PDK2: variants seen among roughly 807,000 people sequenced by gnomAD.
PDK2 encodes the protein pyruvate dehydrogenase kinase 2.
A neutral mutation model predicts 50.4 loss-of-function variants in PDK2; 34 were observed. That is an observed-to-expected ratio of 0.68 (90% CI 0.51 to 0.90). PDK2 has a LOEUF of 0.90. PDK2 is among the 40% of genes least tolerant of loss of function. The pLI is 0.00. For missense variants in PDK2, 377 were observed against 544.5 expected, an observed-to-expected ratio of 0.69 and a Z score of 3.06; for synonymous variants, 232 against 216.0, an observed-to-expected ratio of 1.07 and a Z score of -0.65.
intron 2 of PDK2, among the ~76,000 whole-genome samples, chr17:50,102,751 G>A (rs1910302431): frequency 6.6e-6 from 1 of 152,242 alleles, no homozygotes; most frequent in Admixed American, 6.5e-5. Flanking sequence ...GGGTCCAGCA[G>A]TAGCGCCCAC....
At chr17:50,099,639 A>G (rs1033875064) in intron 2 of PDK2, among the ~76,000 whole-genome samples, 3 of 152,082 alleles carry the variant, frequency 2.0e-5, no homozygotes, top group African/African-American at 7.2e-5. Flanking sequence ...TAAAAATATA[A>G]AAAATTAGCC....
intron 1 of PDK2, chr17:50,095,788 G>T (rs553659434): frequency 5.9e-5 from 81 of 1,367,442 alleles, no homozygotes; most frequent in Non-Finnish European, 7.2e-5. Context: ...TTTCTTCGTG[G>T]GCCTCATGAA....
intron 2 of PDK2, among the ~76,000 whole-genome samples, chr17:50,103,438 C>T (rs1598211246): frequency 1.3e-5 from 2 of 152,168 alleles, no homozygotes; most frequent in African/African-American, 4.8e-5. Flanking sequence ...CAGCTGTTGA[C>T]AGTGTTTGAG....
upstream of PDK2, among the ~76,000 whole-genome samples, chr17:50,095,083 G>A (rs1909857287): frequency 6.6e-6 from 1 of 152,254 alleles, no homozygotes; most frequent in Admixed American, 6.5e-5. Flanking sequence ...GCTCTGGGAA[G>A]GAAGGGGTTA....
intron 3 of PDK2, 133 bp from the exon 4 acceptor site, chr17:50,105,739 AGAGTGGGCTTTGG>A: frequency 1.7e-6 from 2 of 1,145,148 alleles, no homozygotes; most frequent in Non-Finnish European, 2.4e-6. Context: ...CTAAAAGATC[AGAGTGGGCTTTGG>A]GAGGAGCAGG....
At chr17:50,106,373 T>A in intron 4 of PDK2, 1 of 552,692 alleles carries the variant, frequency 1.8e-6, no homozygotes, top group Non-Finnish European at 2.9e-6. Flanking sequence ...CAAAAACAAT[T>A]TGTTGTTTAG....
At chr17:50,106,718 AG>A (rs1287407464) in intron 4 of PDK2, 75 bp from the exon 5 acceptor site, 2 of 1,227,834 alleles carry the variant, frequency 1.6e-6, no homozygotes, top group Admixed American at 3.4e-5. Context: ...TAGAAAGAGG[AG>A]GAAAGCCCGG....
Position 50,095,439 on chromosome 17 carries a change from C to T in PDK2, c.4C>T (p.Arg2Cys). The change falls in exon 1 of 11, where the codon CGC (arginine) becomes TGC (cysteine). Residue 2 changes from arginine to cysteine, a missense_variant. Physicochemically the swap from Arg to Cys is radical, Grantham distance 180. Transcript: ENST00000503176. The stretch of plus-strand genomic sequence containing the variant: ...CAAAGTCGCGGCCGCCGCAGCCATG[C>T]GCTGGGTGTGGGCGCTGCTGAAGAA... M[R>C]WVWALLKNAS... The T allele has an allele frequency of 3.1e-6, 5 of 1,599,626 alleles. No individual in the cohort carries two copies. The highest frequency in any genetic ancestry group is 3.4e-6 in the Non-Finnish European group (4 of 1,173,196).
chr17:50,106,395 C>T, intron 4 of PDK2: 1 of 465,524 alleles, frequency 2.1e-6, no homozygotes, highest in Non-Finnish European at 3.5e-6. Flanking sequence ...GTTTCTTATT[C>T]CAGGAGGATT....
rs1210065755 is a variant in PDK2, at chr17:50,106,850, G to A, written c.574G>A (p.Asp192Asn). ...PAHPKHIGSI[D>N]PNCNVSEVVK... ...CCATCCCAAACACATCGGCAGCATC[G>A]ACCCCAACTGCAACGTCTCTGAGGT... The change falls in exon 5 of 11, where the codon GAC (aspartate) becomes AAC (asparagine). Residue 192 changes from aspartate to asparagine, a missense_variant. Around this residue, in one of 3 missense-constraint regions of PDK2, gnomAD observed 214 missense variants for 294.0 expected, o/e 0.73. Coordinates refer to ENST00000503176, the MANE Select transcript of PDK2 (RefSeq NM_002611.5). 10 of 1,613,908 alleles carry A rather than the reference G, an allele frequency of 6.2e-6. No homozygotes were observed. Among genetic ancestry groups the A allele is most frequent in the East Asian group, 2.2e-5 (1 of 44,894 alleles).
In PDK2 at chr17:50,097,675, C is replaced by T. The variant is rs1037142126; in HGVS notation, c.260+111C>T. 2.6e-5 allele frequency: 34 copies of T among 1,302,064 alleles called. 1 individual carries two copies. In the Admixed American group the frequency reaches 5.9e-4, roughly 23 times the overall value. 80.7% of individuals were successfully genotyped at this position (1,302,064 alleles called of 1,614,324 possible). ...GCTTTGAGGGTGGGGTGGGGACAGA[C>T]AGGAGACACCAAAGCCCCAAGCGCT... On this transcript the variant is annotated intron_variant, in intron 2 of 10. Coordinates refer to ENST00000503176, the MANE Select transcript of PDK2 (RefSeq NM_002611.5).
chr17:50,099,922 G>C (rs1910136986), intron 2 of PDK2, among the ~76,000 whole-genome samples: 1 of 152,250 alleles, frequency 6.6e-6, no homozygotes, highest in African/African-American at 2.4e-5. Flanking sequence ...TACAGCAAGA[G>C]AGACTGAGGT....
At chr17:50,095,336 C>A, upstream of PDK2, 1 of 784,768 alleles carries the variant, frequency 1.3e-6, no homozygotes, top group Non-Finnish European at 2.0e-6. Flanking sequence ...CCCGCCAGGG[C>A]AAGGGTAGGG....
At chr17:50,108,518 T>C in intron 8 of PDK2, 94 bp from the exon 9 acceptor site, 2 of 1,273,982 alleles carry the variant, frequency 1.6e-6, no homozygotes, top group African/African-American at 3.3e-5. Context: ...GGGCAGATCC[T>C]GGGGGTGGGG....
rs553113769 is a variant in PDK2 at position 50,101,268 on chromosome 17, C to T, written c.260+3704C>T. Among the ~76,000 whole-genome samples the T allele has an allele frequency of 7.2e-5, 11 of 152,270 alleles. No individual in the cohort carries two copies. The South Asian group carries it at 1.9e-3, about 26-fold the overall frequency. On this transcript the variant is annotated intron_variant, in intron 2 of 10. Transcript: ENST00000503176. This position sits in a 1 kb window ranked among gnomAD's most constrained non-coding sequence, Gnocchi z 4.2. ...ACACGAGCTCTCCAAACCCGTCAGC[C>T]GCTCCTTGCATGACCGAGCAGGACC...
Position 50,108,615 on chromosome 17 carries a change from A to T in PDK2, c.865A>T (p.Ser289Cys). The change falls in exon 9 of 11, where the codon AGT becomes TGT. Residue 289 changes from serine (S) to cysteine (C), a missense_variant. Ser to Cys is a moderately radical substitution (Grantham distance 112). Coordinates refer to ENST00000503176, the MANE Select transcript of PDK2 (RefSeq NM_002611.5). ...TGACACATCCCATCTCTCCCAGATG[A>T]GTGACCGAGGTGGGGGTGTTCCCTT... The part of the protein sequence containing the change: ...LGEEDLSIKM[S>C]DRGGGVPLRK... 1 of 1,609,320 alleles carries T rather than the reference A, an allele frequency of 6.2e-7. No individual in the cohort carries two copies. The highest frequency in any genetic ancestry group is 1.3e-5 in the African/African-American group (1 of 74,918).
chr17:50,110,179 G>A lies in PDK2; in HGVS notation c.*82G>A. 1 of 1,421,690 alleles carries A rather than the reference G, an allele frequency of 7.0e-7. No individual in the cohort carries two copies. The highest frequency in any genetic ancestry group is 1.4e-5 in the South Asian group (1 of 70,692). The allele number at this position is 1,421,690 out of a possible 1,614,324, so 88.1% of individuals were successfully genotyped here. A position where few individuals can be genotyped will look rare whatever the true frequency, so the allele number is the denominator to read the frequency against. On this transcript the variant is annotated 3_prime_UTR_variant, in exon 11 of 11. Coordinates refer to ENST00000503176, the MANE Select transcript of PDK2 (RefSeq NM_002611.5). Reference sequence around the variant, plus strand: ...CGTGGTGCCCCTCACCATCCTCCTGGGGGAGCAGGGGGTGGGTTCTCCCTG... The same window carrying A: ...CGTGGTGCCCCTCACCATCCTCCTGAGGGAGCAGGGGGTGGGTTCTCCCTG...
chr17:50,105,548 G>T, intron 3 of PDK2, 106 bp downstream of exon 3: 1 of 925,398 alleles, frequency 1.1e-6, no homozygotes, highest in African/African-American at 1.7e-5. Flanking sequence ...AAAGACCCCT[G>T]CCTTCAGAAA....
At chr17:50,096,356 A>C in intron 1 of PDK2, 1 of 935,158 alleles carries the variant, frequency 1.1e-6, no homozygotes, top group African/African-American at 1.8e-5. Context: ...CCAACGTGGC[A>C]GCTGAAATGG....
Sources: gnomAD v4.1 joint callset for allele counts (sites outside exome capture counted in the v4.1 genomes callset) on GRCh38, gnomAD v4.1.1 for gene constraint, gnomAD v4.1.1 regional missense constraint, Gnocchi (gnomAD v3.1) non-coding constraint, MANE v1.5 for transcripts, NCBI Gene and HGNC (gene_info 2026-07-23, HGNC 2026-07-21) for gene names.